ENOSF1: variants seen among roughly 807,000 people sequenced by gnomAD.
ENOSF1 encodes enolase superfamily member 1, also known as mitochondrial enolase superfamily member 1.
ENOSF1 carries 73 observed loss-of-function variants against 68.2 expected under a neutral mutation model. That is an observed-to-expected ratio of 1.07 (90% CI 0.89 to 1.30). The LOEUF (loss-of-function observed/expected upper bound fraction) is 1.30, where lower values mean the gene tolerates loss of function less well. ENOSF1 is among the 50% of genes most tolerant of loss of function. The probability of loss-of-function intolerance (pLI) is 0.00; values close to 1 mark genes in which losing one functional copy is unlikely to be tolerated. For synonymous variants in ENOSF1, 223 were observed against 210.4 expected (o/e 1.06, Z -0.52); for missense variants, 589 against 554.5 (o/e 1.06, Z -0.62).
chr18:685,853 C>G, intron 10 of ENOSF1, 68 bp downstream of exon 10: 2 of 1,240,196 alleles, frequency 1.6e-6, no homozygotes, highest in Non-Finnish European at 1.2e-6. Context: ...GTTCTTTAAT[C>G]TTGAAACGAG....
downstream of ENOSF1, among the ~76,000 whole-genome samples, chr18:667,101 AGATGGAGATGGTGATGGTGATGGT>A (rs1567990010): frequency 3.3e-4 from 6 of 18,280 alleles, no homozygotes; most frequent in Non-Finnish European, 5.0e-4. Flanking sequence ...ATGGAGATGG[AGATGGAGATGGTGATGGTGATGGT>A]GATGGAGATG....
rs1568038970 is a variant in ENOSF1 at position 683,290 on chromosome 18, G to T, written c.832C>A (p.Pro278Thr). The change falls in exon 11 of 16, where the codon CCA becomes ACA. Residue 278 changes from proline (P) to threonine (T), a missense_variant. Pro to Thr is a conservative substitution (Grantham distance 38). Transcript: ENST00000647584. Reference sequence around the variant, plus strand: ...CCCAGAATGTCATCAGGGGAGGTTGGCTCCTCAATCCACAATGGCTTGAAC... The same window carrying T: ...CCCAGAATGTCATCAGGGGAGGTTGTCTCCTCAATCCACAATGGCTTGAAC... ...AKFKPLWIEE[P>T]TSPDDILGHA... 1 of 1,614,040 alleles carries T rather than the reference G, an allele frequency of 6.2e-7. No individual in the cohort carries two copies. The highest frequency in any genetic ancestry group is 1.1e-5 in the South Asian group (1 of 91,066).
intron 1 of ENOSF1, among the ~76,000 whole-genome samples, chr18:711,152 A>C (rs542638501): frequency 2.6e-5 from 4 of 152,300 alleles, no homozygotes; most frequent in Admixed American, 6.5e-5. Context: ...CTTGGGCAAC[A>C]GATAAGAGAC....
intron 5 of ENOSF1, chr18:693,059 G>C (rs751841431): frequency 7.8e-7 from 1 of 1,284,330 alleles, no homozygotes; most frequent in South Asian, 1.2e-5. Flanking sequence ...CATGCTCAAG[G>C]TCATGCAGCT....
In ENOSF1 at chr18:709,834, T is replaced by C. The variant is rs147868023; in HGVS notation, c.84+2670A>G. 3.3e-5 allele frequency among the ~76,000 whole-genome samples: 5 copies of C among 152,132 alleles called. No individual in the cohort carries two copies. The East Asian group carries it at 9.7e-4, about 29-fold the overall frequency. On this transcript the variant is annotated intron_variant, in intron 1 of 15. Coordinates refer to ENST00000647584, the MANE Select transcript of ENOSF1 (RefSeq NM_017512.7). ...GCTTTATTGCTCTTTCTTGAAAATA[T>C]CCTACTTCTGATCAGGGAGGCTCAC...
chr18:678,660 A>AGGGGACGTCATCCACCTGTT (rs1303018391), intron 12 of ENOSF1, 36 bp downstream of exon 12: 2 of 1,611,298 alleles, frequency 1.2e-6, no homozygotes, highest in Non-Finnish European at 1.7e-6. Flanking sequence ...ACTGACCCCA[A>AGGGGACGTCATCCACCTGTT]GGGGACGTCA....
chr18:666,967 GGT>G (rs2074841480), downstream of ENOSF1, among the ~76,000 whole-genome samples: 3 of 12,352 alleles, frequency 2.4e-4, no homozygotes, highest in South Asian at 3.7e-3. Context: ...AGATGGAGAT[GGT>G]GATGGAGATG....
intron 11 of ENOSF1, among the ~76,000 whole-genome samples, chr18:681,130 G>A (rs1438949591): frequency 2.6e-5 from 4 of 152,194 alleles, no homozygotes; most frequent in Non-Finnish European, 5.9e-5. Flanking sequence ...CCAAAGTGCT[G>A]GGGTTACAGG....
At chr18:694,020 C>T (rs2077470180) in intron 4 of ENOSF1, 112 bp from the exon 5 acceptor site, 2 of 1,250,186 alleles carry the variant, frequency 1.6e-6, no homozygotes, top group Non-Finnish European at 2.3e-6. Flanking sequence ...CAGGTCCCCA[C>T]ACCCCCCTCT....
intron 2 of ENOSF1, among the ~76,000 whole-genome samples, chr18:698,029 AGT>A (rs925607499): frequency 2.6e-5 from 4 of 152,188 alleles, no homozygotes; most frequent in African/African-American, 9.6e-5. Flanking sequence ...ACTGCGCTCA[AGT>A]GATCCACCCG....
chr18:698,918 A>T (rs903202903), intron 2 of ENOSF1, among the ~76,000 whole-genome samples: 15 of 152,056 alleles, frequency 9.9e-5, no homozygotes, highest in African/African-American at 2.7e-4. Context: ...CACTGCACCC[A>T]GCACCTCACT....
Position 683,989 on chromosome 18 carries a change from TTTTC to T in ENOSF1, c.742-613_742-610del, listed in dbSNP as rs776116243. On this transcript the variant is annotated intron_variant, in intron 10 of 15. Coordinates refer to ENST00000647584, the MANE Select transcript of ENOSF1 (RefSeq NM_017512.7). The stretch of plus-strand genomic sequence containing the variant: ...TGGGAGGCTGAAGCCCGTGGATTTC[TTTTC>T]TTTTTCTTTTTTTTTTTTGAGACAG... Among the ~76,000 whole-genome samples the T allele has an allele frequency of 2.2e-4, 31 of 139,196 alleles. 1 individual carries two copies. Among genetic ancestry groups the T allele is most frequent in the African/African-American group, 6.2e-4 (20 of 32,222 alleles). The allele number at this position is 139,196 out of a possible 152,430, so 91.3% of individuals were successfully genotyped here.
At chr18:665,023 C>T in the ENOSF1 span, among the ~76,000 whole-genome samples, 80,891 of 148,890 alleles carry the variant, frequency 0.54, 23,327 homozygotes, top group African/African-American at 0.77. Context: ...CAGGATGATG[C>T]TGGCTTCATA....
At chr18:708,571 G>C (rs2079183553) in intron 1 of ENOSF1, among the ~76,000 whole-genome samples, 1 of 152,150 alleles carries the variant, frequency 6.6e-6, no homozygotes, top group African/African-American at 2.4e-5. Flanking sequence ...AAAATGCTAA[G>C]GCCTGGGAGG....
chr18:690,711 C>T, intron 7 of ENOSF1, 80 bp from the exon 8 acceptor site: 1 of 1,588,890 alleles, frequency 6.3e-7, no homozygotes, highest in Non-Finnish European at 8.6e-7. Context: ...TAAGCTGTTT[C>T]CCCTGGAGAG....
chr18:696,271 G>A (rs1294081855), intron 3 of ENOSF1, among the ~76,000 whole-genome samples: 1 of 143,110 alleles, frequency 7.0e-6, no homozygotes, highest in Non-Finnish European at 1.5e-5. Context: ...GAGTGCAGTG[G>A]TGCGATCTCG....
Position 691,241 on chromosome 18 carries a change from CCTGAAATCTATGCAGGATA to C in ENOSF1, c.440_458del (p.Val147GlyfsTer7). The C allele has an allele frequency of 6.2e-7, 1 of 1,614,168 alleles. No homozygotes were observed. On this transcript the variant is annotated frameshift_variant, in exon 6 of 16. Coordinates refer to ENST00000647584, the MANE Select transcript of ENOSF1 (RefSeq NM_017512.7). LOFTEE classifies it high-confidence loss of function. ...CCTCAGTCAGGACATCAGTGATGTA[CCTGAAATCTATGCAGGATA>C]CCAGCATCCTGGGATCCTGGCAACG...
intron 5 of ENOSF1, chr18:691,507 G>T: frequency 4.3e-6 from 2 of 465,054 alleles, no homozygotes. Context: ...CACTATGCCC[G>T]GCTAATTTAT....
At chr18:675,645 T>C (rs1053644064) in intron 14 of ENOSF1, 5 of 495,718 alleles carry the variant, frequency 1.0e-5, no homozygotes, top group South Asian at 5.8e-5. Flanking sequence ...TCTAGAGGTT[T>C]TGTGGTGCCC....
Sources: gnomAD v4.1 joint callset for allele counts (sites outside exome capture counted in the v4.1 genomes callset) on GRCh38, gnomAD v4.1.1 for gene constraint, MANE v1.5 for transcripts, NCBI Gene and HGNC (gene_info 2026-07-23, HGNC 2026-07-21) for gene names.